PINK1: variants seen among roughly 807,000 people sequenced by gnomAD.
PINK1 encodes PTEN induced kinase 1, also known as serine/threonine-protein kinase PINK1, mitochondrial.
PINK1 carries 58 observed loss-of-function variants against 56.0 expected under a neutral mutation model. The ratio of observed to expected loss-of-function variants is 1.04; its 90% confidence interval spans 0.84 to 1.29. PINK1 has a LOEUF of 1.29. Among genes scored for constraint, PINK1 ranks in the 50% most tolerant of loss-of-function variants. The pLI is 0.00. For missense variants in PINK1, 745 were observed against 777.9 expected (o/e 0.96, Z 0.50); for synonymous variants, 354 against 339.3 (o/e 1.04, Z -0.48).
Position 20,645,657 on chromosome 1 carries a change from C to G in PINK1, c.1057C>G (p.Leu353Val). 1 of 1,614,142 alleles carries G rather than the reference C, an allele frequency of 6.2e-7. No homozygotes were observed. The highest frequency in any genetic ancestry group is 8.5e-7 in the Non-Finnish European group (1 of 1,180,046). The change falls in exon 5 of 8, where the codon CTG becomes GTG. Residue 353 changes from leucine (L) to valine (V), a missense_variant. Coordinates refer to ENST00000321556, the MANE Select transcript of PINK1 (RefSeq NM_032409.3). Reference protein sequence around the residue: ...LLQLLEGVDHLVQQGIAHRDL... With the variant: ...LLQLLEGVDHVVQQGIAHRDL... ...GCAGCTGCTGGAAGGCGTGGACCATCTGGTTCAACAGGGCATCGCGCACAG... is the reference window on the plus strand; with the variant it reads ...GCAGCTGCTGGAAGGCGTGGACCATGTGGTTCAACAGGGCATCGCGCACAG...
At chr1:20,638,366 C>A (rs554885710) in intron 2 of PINK1, 4 of 538,248 alleles carry the variant, frequency 7.4e-6, no homozygotes, top group South Asian at 2.1e-5. Context: ...TTTGGCCAGG[C>A]CTGGTGGACC....
At position 20,650,953 on chromosome 1, in the gene PINK1, A is replaced by G; in HGVS notation, c.*262A>G. On this transcript the variant is annotated 3_prime_UTR_variant, in exon 8 of 8. Coordinates refer to ENST00000321556, the MANE Select transcript of PINK1 (RefSeq NM_032409.3). ...ACTGAGGAGGGGTAGGCCTGCATCC[A>G]CAGAGAGGATCCAGGCCAAGGCACT... 1.9e-6 allele frequency: 1 copy of G among 536,512 alleles called. No homozygotes were observed. The highest frequency in any genetic ancestry group is 3.4e-5 in the East Asian group (1 of 29,538). 33.2% of individuals were successfully genotyped at this position (536,512 alleles called of 1,614,324 possible). A position where few individuals can be genotyped will look rare whatever the true frequency, so the allele number is the denominator to read the frequency against.
chr1:20,647,296 AT>A (rs2053196031), intron 5 of PINK1, among the ~76,000 whole-genome samples: 1 of 151,500 alleles, frequency 6.6e-6, no homozygotes, highest in Non-Finnish European at 1.5e-5. Flanking sequence ...TGACTTCGTG[AT>A]CCACCTGCTT....
At chr1:20,633,972 G>C in intron 1 of PINK1, 37 bp downstream of exon 1, 1 of 1,557,352 alleles carries the variant, frequency 6.4e-7, no homozygotes, top group Non-Finnish European at 8.6e-7. Flanking sequence ...GCGGAGGACG[G>C]AGCTAAGCGC....
chr1:20,645,742 A>C lies in PINK1; in HGVS notation c.1123+19A>C, dbSNP rs762129771. 6.2e-7 allele frequency: 1 copy of C among 1,613,990 alleles called. No individual in the cohort carries two copies. Among genetic ancestry groups the C allele is most frequent in the African/African-American group, 1.3e-5 (1 of 74,934 alleles). On this transcript the variant is annotated intron_variant, in intron 5 of 7. Coordinates refer to ENST00000321556, the MANE Select transcript of PINK1 (RefSeq NM_032409.3). ...GACCCAGGTAGGAACCTGCTGCACCATCAGAGCTCTCCAGGGGCACTAGAG... is the reference window on the plus strand; with the variant it reads ...GACCCAGGTAGGAACCTGCTGCACCCTCAGAGCTCTCCAGGGGCACTAGAG...
chr1:20,636,442 C>T (rs1156912441), intron 1 of PINK1, among the ~76,000 whole-genome samples: 7 of 151,898 alleles, frequency 4.6e-5, no homozygotes, highest in South Asian at 2.1e-4. Context: ...CCCAGATTCA[C>T]GCAATTCTTC....
At chr1:20,650,224 C>G (rs2154534055) in intron 7 of PINK1, 3 of 648,098 alleles carry the variant, frequency 4.6e-6, no homozygotes, top group Non-Finnish European at 5.5e-6. Flanking sequence ...ATGCATGCTG[C>G]CCCATGCAGA....
intron 6 of PINK1, 173 bp downstream of exon 6, chr1:20,648,805 G>C: frequency 7.5e-7 from 1 of 1,328,158 alleles, no homozygotes; most frequent in Non-Finnish European, 1.0e-6. Context: ...TCATGTTCCA[G>C]GAGAATGCAA....
intron 1 of PINK1, among the ~76,000 whole-genome samples, chr1:20,635,058 G>A (rs35731336): frequency 0.14 from 20,844 of 152,164 alleles, 1,519 homozygotes; most frequent in East Asian, 0.2. Context: ...CTAAGGATGG[G>A]AAATTTGACT....
intron 6 of PINK1, 26 bp downstream of exon 6, chr1:20,648,658 A>C: frequency 6.2e-7 from 1 of 1,612,286 alleles, no homozygotes; most frequent in Non-Finnish European, 8.5e-7. Context: ...GTCATGCGCC[A>C]TCGGCAGCCC....
rs686658 is a variant in PINK1 at position 20,650,728 on chromosome 1, A to T, written c.*37A>T. 0.87 allele frequency: 1,394,816 copies of T among 1,604,550 alleles called. 607,273 individuals carry two copies. Among genetic ancestry groups the T allele is most frequent in the Middle Eastern group, 0.91 (5,483 of 6,000 alleles). On this transcript the variant is annotated 3_prime_UTR_variant, in exon 8 of 8. Coordinates refer to ENST00000321556, the MANE Select transcript of PINK1 (RefSeq NM_032409.3). ...GGAGCTGGTGAATTACTAAAAGAAC[A>T]TGGCATCCTCTGTGTCGTGATGGTC...
chr1:20,651,111 A>G lies in PINK1; in HGVS notation c.*420A>G, dbSNP rs979233421. On this transcript the variant is annotated 3_prime_UTR_variant, in exon 8 of 8. Transcript: ENST00000321556. ...TCAACATGGGTCAGCACGTTCAGTT[A>G]CGGGAGTGGGAAATTACATGAGGCC... The G allele has an allele frequency of 3.8e-6, 1 of 264,666 alleles. No individual in the cohort carries two copies. The highest frequency in any genetic ancestry group is 2.2e-5 in the African/African-American group (1 of 45,800). 16.4% of individuals were successfully genotyped at this position (264,666 alleles called of 1,614,324 possible). A position where few individuals can be genotyped will look rare whatever the true frequency, so the allele number is the denominator to read the frequency against.
chr1:20,640,241 A>G (rs1033625315), intron 3 of PINK1, among the ~76,000 whole-genome samples: 1 of 152,202 alleles, frequency 6.6e-6, no homozygotes, highest in African/African-American at 2.4e-5. Context: ...AAAAATGCCC[A>G]GTTCACAGTG....
chr1:20,649,388 T>A, intron 7 of PINK1, 157 bp downstream of exon 7: 1 of 703,618 alleles, frequency 1.4e-6, no homozygotes, highest in African/African-American at 1.8e-5. Context: ...GATTTTAATG[T>A]AGGTAGGAGT....
chr1:20,649,557 G>T (rs2053237942), intron 7 of PINK1: 2 of 327,704 alleles, frequency 6.1e-6, no homozygotes, highest in Non-Finnish European at 1.2e-5. Flanking sequence ...TTGGGACCAG[G>T]AGTTCCAGTC....
chr1:20,637,837 C>T lies in PINK1; in HGVS notation c.388-5C>T, dbSNP rs377403764. The T allele has an allele frequency of 9.3e-6, 15 of 1,613,908 alleles. No individual in the cohort carries two copies. The highest frequency in any genetic ancestry group is 8.0e-5 in the African/African-American group (6 of 75,038). On this transcript the variant is annotated splice_polypyrimidine_tract_variant and splice_region_variant and intron_variant, in intron 1 of 7. Transcript: ENST00000321556. ...GGCTCACGGTGCATTCTTTTCTCAT[C>T]ACAGGCAATTTTTACCCAGAAAAGC... is the stretch of plus-strand genomic sequence containing the variant.
In PINK1 at chr1:20,645,557, C is replaced by G; in HGVS notation, c.960-3C>G. ...GCCAGAGGCCCTCTCCCCTCTCCGCCAGCTATCCCTGTACCCTGCGCCAGT... is the reference window on the plus strand; with the variant it reads ...GCCAGAGGCCCTCTCCCCTCTCCGCGAGCTATCCCTGTACCCTGCGCCAGT... On this transcript the variant is annotated splice_polypyrimidine_tract_variant and splice_region_variant and intron_variant, in intron 4 of 7. Transcript: ENST00000321556. The G allele has an allele frequency of 6.8e-6, 11 of 1,613,492 alleles. No homozygotes were observed. Among genetic ancestry groups the G allele is most frequent in the Non-Finnish European group, 9.3e-6 (11 of 1,179,980 alleles).
chr1:20,639,842 AC>A, intron 2 of PINK1, 49 bp from the exon 3 acceptor site: 1 of 1,544,350 alleles, frequency 6.5e-7, no homozygotes, highest in South Asian at 1.2e-5. Flanking sequence ...CAAGGAACTT[AC>A]CATTCTGCTC....
In PINK1 at chr1:20,641,787, T is replaced by C. The variant is rs989518081; in HGVS notation, c.776+1795T>C. On this transcript the variant is annotated intron_variant, in intron 3 of 7. Transcript: ENST00000321556. This position sits in a 1 kb window ranked among gnomAD's most constrained non-coding sequence, Gnocchi z 4.0. ...CCTACACTCCACCACGCTGGCTTCA[T>C]AGCTCCTTCCCCGAATGTGCCAGGC... Among the ~76,000 whole-genome samples the C allele has an allele frequency of 2.1e-4, 32 of 152,138 alleles. No homozygotes were observed. The highest frequency in any genetic ancestry group is 7.7e-4 in the African/African-American group (32 of 41,438).
Sources: gnomAD v4.1 joint callset for allele counts (sites outside exome capture counted in the v4.1 genomes callset) on GRCh38, gnomAD v4.1.1 for gene constraint, Gnocchi (gnomAD v3.1) non-coding constraint, MANE v1.5 for transcripts, NCBI Gene and HGNC (gene_info 2026-07-23, HGNC 2026-07-21) for gene names.